Variants in LRP1B observed in about 807,000 individuals in gnomAD.
LRP1B encodes LDL receptor related protein 1B.
In LRP1B, 217 loss-of-function variants were observed where a neutral mutation model predicts 556.6. The ratio of observed to expected loss-of-function variants is 0.39; its 90% CI spans 0.35 to 0.44. The LOEUF is 0.44. Among genes scored for constraint, LRP1B ranks in the 20% least tolerant of loss-of-function variants. The probability of loss-of-function intolerance (pLI) is 1.00; values close to 1 mark genes in which losing one functional copy is unlikely to be tolerated. For missense variants in LRP1B, 5,053 were observed against 5,620.8 expected, an observed-to-expected ratio of 0.90 and a Z score of 3.23; for synonymous variants, 2,047 against 1,865.8, an observed-to-expected ratio of 1.10 and a Z score of -2.50.
intron 7 of LRP1B, among the ~76,000 whole-genome samples, chr2:141,123,583 T>C (rs1358717553): frequency 3.3e-5 from 5 of 152,124 alleles, no homozygotes; most frequent in Non-Finnish European, 7.4e-5. Flanking sequence ...AATTATAACA[T>C]ATAATGATTA....
chr2:140,868,324 T>A, intron 25 of LRP1B, 61 bp from the exon 26 acceptor site: 1 of 1,434,700 alleles, frequency 7.0e-7, no homozygotes, highest in East Asian at 2.5e-5. Context: ...TTCACAGATA[T>A]TTATTGAGTG....
intron 2 of LRP1B, among the ~76,000 whole-genome samples, chr2:141,586,429 G>C (rs1687138265): frequency 6.6e-6 from 1 of 152,114 alleles, no homozygotes; most frequent in African/African-American, 2.4e-5. Context: ...TATTAGATTA[G>C]AGATAGCTTT....
Position 140,413,175 on chromosome 2 carries a change from C to A in LRP1B, c.10415-27166G>T, listed in dbSNP as rs148987108. On this transcript the variant is annotated intron_variant, in intron 66 of 90. Coordinates refer to ENST00000389484, the MANE Select transcript of LRP1B (RefSeq NM_018557.3). ...AAGAAAGATAAATGTAATACACACA[C>A]AAACACACATACACAATTCTATCAC... is the stretch of plus-strand genomic sequence containing the variant. 3.2e-3 allele frequency among the ~76,000 whole-genome samples: 492 copies of A among 152,268 alleles called. 1 individual carries two copies. Among genetic ancestry groups the A allele is most frequent in the African/African-American group, 0.011 (464 of 41,566 alleles).
chr2:141,914,900 C>A (rs1374932112), intron 1 of LRP1B, among the ~76,000 whole-genome samples: 2 of 152,070 alleles, frequency 1.3e-5, no homozygotes, highest in Non-Finnish European at 2.9e-5. Context: ...TTGGAAGAAT[C>A]AATATCATAA....
intron 3 of LRP1B, among the ~76,000 whole-genome samples, chr2:141,356,278 C>T (rs968093136): frequency 6.6e-6 from 1 of 152,142 alleles, no homozygotes; most frequent in African/African-American, 2.4e-5. Flanking sequence ...TACTCAGTGG[C>T]AGCAATGATA....
rs190452824 is a variant in LRP1B, at chr2:141,285,698, C to T, written c.344-31057G>A. Among the ~76,000 whole-genome samples the T allele has an allele frequency of 1.9e-3, 276 of 147,374 alleles. 12 individuals carry two copies. The East Asian group carries it at 0.051, about 27-fold the overall frequency. On this transcript the variant is annotated intron_variant, in intron 3 of 90. Transcript: ENST00000389484. ...TTCAATCCCCTTACCTCAGGTAATC[C>T]GCCCACCTCGGCCTCCCAAAGTGCT...
At chr2:140,441,193 G>A (rs998227492) in intron 66 of LRP1B, among the ~76,000 whole-genome samples, 16 of 152,222 alleles carry the variant, frequency 1.1e-4, no homozygotes, top group African/African-American at 2.9e-4. Context: ...TCATGCTAAC[G>A]TGAGGAAAAG....
At chr2:140,322,167 A>T in intron 81 of LRP1B, 79 bp from the exon 82 acceptor site, 1 of 1,344,318 alleles carries the variant, frequency 7.4e-7, no homozygotes, top group African/African-American at 1.5e-5. Context: ...AAATAAGGCG[A>T]AATGATTAAT....
At position 142,008,608 on chromosome 2, in the gene LRP1B, T is replaced by C. The variant is rs542836857; in HGVS notation, c.82+122040A>G. On this transcript the variant is annotated intron_variant, in intron 1 of 90. Coordinates refer to ENST00000389484, the MANE Select transcript of LRP1B (RefSeq NM_018557.3). ...TATCCCTAACCACAAACTCCAATTA[T>C]GAAAAGTTTTGAGTTTCTTTTACTG... 1.4e-4 allele frequency among the ~76,000 whole-genome samples: 22 copies of C among 152,114 alleles called. No homozygotes were observed. The South Asian group carries it at 4.4e-3, about 30-fold the overall frequency.
At chr2:141,225,226 C>G (rs1683197191) in intron 6 of LRP1B, among the ~76,000 whole-genome samples, 1 of 152,076 alleles carries the variant, frequency 6.6e-6, no homozygotes, top group Non-Finnish European at 1.5e-5. Flanking sequence ...AGTGGCTCAA[C>G]AGAAGCTGGC....
intron 1 of LRP1B, among the ~76,000 whole-genome samples, chr2:142,015,850 G>A (rs1255115229): frequency 6.6e-6 from 1 of 151,778 alleles, no homozygotes; most frequent in African/African-American, 2.4e-5. Context: ...AAATTAGCCG[G>A]GCGTGGTGGC....
chr2:140,269,208 G>T, intron 86 of LRP1B: 1 of 463,564 alleles, frequency 2.2e-6, no homozygotes, highest in Non-Finnish European at 4.5e-6. Flanking sequence ...TTAAACCAAT[G>T]AACTGTGGCC....
intron 2 of LRP1B, among the ~76,000 whole-genome samples, chr2:141,639,314 A>G (rs1299847725): frequency 0.41 from 14,063 of 34,422 alleles, 2,045 homozygotes; most frequent in Middle Eastern, 0.5. Context: ...GTATATATAT[A>G]TATATATATA....
intron 10 of LRP1B, among the ~76,000 whole-genome samples, chr2:141,052,255 A>C (rs2105450958): frequency 6.6e-6 from 1 of 152,100 alleles, no homozygotes; most frequent in East Asian, 1.9e-4. Flanking sequence ...ACTTTATATT[A>C]TTTTAAAGTA....
At chr2:142,026,071 C>G (rs939987383) in intron 1 of LRP1B, among the ~76,000 whole-genome samples, 3 of 152,018 alleles carry the variant, frequency 2.0e-5, no homozygotes, top group Admixed American at 2.0e-4. Flanking sequence ...CTATGAAATG[C>G]TTTAAAGAAT....
At chr2:141,318,933 G>A (rs1049460774) in intron 3 of LRP1B, among the ~76,000 whole-genome samples, 5 of 151,904 alleles carry the variant, frequency 3.3e-5, no homozygotes, top group African/African-American at 9.7e-5. Flanking sequence ...TTAGAATCCC[G>A]AGAGAACAGC....
chr2:142,016,055 T>A (rs1703120064), intron 1 of LRP1B, among the ~76,000 whole-genome samples: 1 of 139,932 alleles, frequency 7.1e-6, no homozygotes, highest in African/African-American at 2.6e-5. Context: ...AAGAAGACAT[T>A]TATGTGGCTA....
At chr2:141,538,831 G>A (rs116118257) in intron 2 of LRP1B, among the ~76,000 whole-genome samples, 2,031 of 152,132 alleles carry the variant, frequency 0.013, 20 homozygotes, top group Middle Eastern at 0.031. Context: ...TACAGACAAG[G>A]TTTCCTCATG....
At chr2:141,482,185 G>A (rs1056005357) in intron 2 of LRP1B, among the ~76,000 whole-genome samples, 3 of 152,070 alleles carry the variant, frequency 2.0e-5, no homozygotes, top group Non-Finnish European at 4.4e-5. Flanking sequence ...AACTAGAGTT[G>A]CCAAAAGTTA....
Sources: gnomAD v4.1 joint callset for allele counts (sites outside exome capture counted in the v4.1 genomes callset) on GRCh38, gnomAD v4.1.1 for gene constraint, MANE v1.5 for transcripts, NCBI Gene and HGNC (gene_info 2026-07-23, HGNC 2026-07-21) for gene names.